The following ANK1 variants were observed in gnomAD, a reference collection of about 807,000 sequenced individuals.
ANK1 encodes the protein ankyrin 1.
In ANK1, 51 loss-of-function variants were observed where a neutral mutation model predicts 210.4. The observed-to-expected ratio is 0.24, with a 90% CI of 0.19 to 0.31. The LOEUF is 0.31. ANK1 is among the 10% of genes least tolerant of loss of function. The probability of loss-of-function intolerance (pLI) is 1.00; values close to 1 mark genes in which losing one functional copy is unlikely to be tolerated. For missense variants in ANK1, 2,051 were observed against 2,504.4 expected (o/e 0.82, Z 3.86); for synonymous variants, 967 against 1,025.9 (o/e 0.94, Z 1.10).
chr8:41,727,055 C>T lies in ANK1; in HGVS notation c.426+195G>A, dbSNP rs552850184. Among the ~76,000 whole-genome samples the T allele has an allele frequency of 1.6e-3, 241 of 152,336 alleles. 10 individuals carry two copies. In the South Asian group the frequency reaches 0.049, roughly 31 times the overall value. ...GTCGTTTCTTTGGTACGTGTCTGGG[C>T]CTTCTTCAAGACCCATGACTTTGTC... On this transcript the variant is annotated intron_variant, in intron 5 of 42. Transcript: ENST00000289734.
rs573983782 is a variant in ANK1, at chr8:41,822,793, C to G, written c.127-64656G>C. On this transcript the variant is annotated intron_variant, in intron 1 of 42. Transcript: ENST00000265709. Reference sequence around the variant, plus strand: ...GCTACCATCCCACCAACAGGGGCCGCTGGTCACATGGTCAAGAGCCAGCAG... The same window carrying G: ...GCTACCATCCCACCAACAGGGGCCGGTGGTCACATGGTCAAGAGCCAGCAG... 1.5e-3 allele frequency among the ~76,000 whole-genome samples: 221 copies of G among 152,362 alleles called. 1 individual carries two copies. The highest frequency in any genetic ancestry group is 4.8e-3 in the African/African-American group (199 of 41,584).
chr8:41,883,794 T>C (rs1817997299), intron 1 of ANK1, among the ~76,000 whole-genome samples: 1 of 152,118 alleles, frequency 6.6e-6, no homozygotes, highest in African/African-American at 2.4e-5. Flanking sequence ...CTAAACTAAA[T>C]ACAGAGGCTC....
At chr8:41,672,105 C>T (rs1364763938) in intron 38 of ANK1, among the ~76,000 whole-genome samples, 4 of 152,234 alleles carry the variant, frequency 2.6e-5, no homozygotes, top group Admixed American at 2.6e-4. Context: ...CCTATGTGTG[C>T]TCTCCCAGTG....
intron 1 of ANK1, among the ~76,000 whole-genome samples, chr8:41,862,076 C>T (rs552969364): frequency 4.6e-5 from 7 of 152,254 alleles, no homozygotes; most frequent in South Asian, 2.1e-4. Flanking sequence ...AACAAAATTT[C>T]GGGGAAATTG....
At chr8:41,867,745 C>A (rs1015277400) in intron 1 of ANK1, among the ~76,000 whole-genome samples, 1 of 152,216 alleles carries the variant, frequency 6.6e-6, no homozygotes, top group East Asian at 1.9e-4. Flanking sequence ...CTGTCTCCCC[C>A]ACTGAAATGA....
Position 41,714,233 on chromosome 8 carries a change from C to G in ANK1, c.1723G>C (p.Val575Leu), listed in dbSNP as rs151219976. Residue 575 changes from valine to leucine, a missense_variant, in exon 16 of 43, where the codon GTG (valine) becomes CTG (leucine). Transcript: ENST00000289734. ...AGKNGLTPLH[V>L]AVHHNNLDIV... ...TCCAGGTTGTTGTGATGGACGGCCA[C>G]GTGCAGGGGGGTCAGGCCATTCTGC... The G allele has an allele frequency of 6.5e-7, 1 of 1,544,960 alleles. No homozygotes were observed. The highest frequency in any genetic ancestry group is 8.8e-7 in the Non-Finnish European group (1 of 1,137,378).
chr8:41,700,395 G>T, intron 22 of ANK1: 1 of 1,605,792 alleles, frequency 6.2e-7, no homozygotes, highest in South Asian at 1.1e-5. Context: ...GCACTCTAGT[G>T]AGAAAAGACC....
intron 33 of ANK1, among the ~76,000 whole-genome samples, chr8:41,689,493 T>C (rs1422542157): frequency 6.6e-6 from 1 of 152,042 alleles, no homozygotes; most frequent in East Asian, 1.9e-4. Context: ...AAAAGAGAGA[T>C]TGAGCCATGG....
intron 1 of ANK1, among the ~76,000 whole-genome samples, chr8:41,843,877 T>C (rs575415059): frequency 8.5e-4 from 129 of 152,146 alleles, no homozygotes; most frequent in African/African-American, 3.0e-3. Context: ...AATCACACAT[T>C]TGTCACTGAG....
intron 2 of ANK1, among the ~76,000 whole-genome samples, chr8:41,744,724 A>G (rs1835662815): frequency 6.6e-6 from 1 of 151,980 alleles, no homozygotes; most frequent in Non-Finnish European, 1.5e-5. Context: ...TTTAGTAGAG[A>G]CGGGGTTTCA....
chr8:41,822,116 A>AG (rs1804470344), intron 1 of ANK1, among the ~76,000 whole-genome samples: 6 of 29,000 alleles, frequency 2.1e-4, no homozygotes, highest in East Asian at 5.9e-4. Flanking sequence ...GAGAGAGAGA[A>AG]AGAAAGAGAA....
intron 1 of ANK1, among the ~76,000 whole-genome samples, chr8:41,850,135 A>G (rs1026074699): frequency 2.0e-5 from 3 of 152,280 alleles, no homozygotes. Context: ...TAAGATAAGT[A>G]GAGTTTTTCC....
chr8:41,815,509 A>T (rs1163720187), intron 1 of ANK1, among the ~76,000 whole-genome samples: 2 of 152,064 alleles, frequency 1.3e-5, no homozygotes, highest in African/African-American at 4.8e-5. Context: ...CTTCATGTCC[A>T]TTCAGTTTTC....
chr8:41,756,265 C>T (rs1273571429), intron 2 of ANK1, among the ~76,000 whole-genome samples: 4 of 151,814 alleles, frequency 2.6e-5, no homozygotes, highest in African/African-American at 9.7e-5. Context: ...TCTGCCTCAG[C>T]TTCCCAAATA....
chr8:41,686,035 A>G, intron 36 of ANK1, 117 bp downstream of exon 36: 1 of 1,500,518 alleles, frequency 6.7e-7, no homozygotes. Flanking sequence ...AGTGTGTGTG[A>G]GAGAGACAGA....
At chr8:41,688,059 A>C in intron 35 of ANK1, 97 bp downstream of exon 35, 1 of 1,401,856 alleles carries the variant, frequency 7.1e-7, no homozygotes, top group East Asian at 2.3e-5. Flanking sequence ...ACGGGTGATA[A>C]AAGGAGGGTT....
intron 17 of ANK1, among the ~76,000 whole-genome samples, chr8:41,708,206 T>C (rs1268786503): frequency 1.3e-5 from 2 of 151,234 alleles, no homozygotes; most frequent in Non-Finnish European, 2.9e-5. Context: ...AAAGAAGTGA[T>C]TTTTAGTCTT....
At position 41,840,619 on chromosome 8, in the gene ANK1, G is replaced by A. The variant is rs138601218; in HGVS notation, c.126+55736C>T. On this transcript the variant is annotated intron_variant, in intron 1 of 42. Coordinates refer to the ANK1 transcript ENST00000265709. ...TCTCTCTGTGTCCTCACACTACTGA[G>A]AGGGGAAGCTCTGGTGTCTCTTCGT... 1.6e-3 allele frequency among the ~76,000 whole-genome samples: 247 copies of A among 152,328 alleles called. 1 individual carries two copies. Among genetic ancestry groups the A allele is most frequent in the African/African-American group, 5.7e-3 (238 of 41,582 alleles).
rs1420247572 is a variant in ANK1, at chr8:41,663,721, G to C, written c.5416C>G (p.Pro1806Ala). Residue 1806 changes from proline to alanine, a missense_variant, in exon 40 of 43, where the codon CCA (proline) becomes GCA (alanine). Physicochemically the swap from Pro to Ala is conservative, Grantham distance 27 (BLOSUM62 -1). This residue lies in a region of ANK1 where 496 missense variants were observed against 533.4 expected (regional missense o/e 0.93). Coordinates refer to ENST00000289734, the MANE Select transcript of ANK1 (RefSeq NM_000037.4). Reference protein sequence around the residue: ...VVQGNEFQNIPGEQVTEEQFT... With the variant: ...VVQGNEFQNIAGEQVTEEQFT... The stretch of plus-strand genomic sequence containing the variant: ...TGCTCCTCTGTCACCTGCTCCCCTG[G>C]AATATTCTGAAACTCATTCCCCTGG... The C allele has an allele frequency of 6.2e-7, 1 of 1,613,804 alleles. No individual in the cohort carries two copies. Among genetic ancestry groups the C allele is most frequent in the Non-Finnish European group, 8.5e-7 (1 of 1,179,818 alleles).
Sources: allele counts gnomAD v4.1 joint callset (sites outside exome capture counted in the v4.1 genomes callset), GRCh38; gene constraint gnomAD v4.1.1; regional missense constraint gnomAD v4.1.1; transcripts MANE v1.5; gene names NCBI Gene and HGNC (gene_info 2026-07-23, HGNC 2026-07-21).